EVI5L: variants seen among roughly 807,000 people sequenced by gnomAD.
EVI5L encodes EVI5-like protein.
A neutral mutation model predicts 106.1 loss-of-function variants in EVI5L; 30 were observed. The ratio of observed to expected loss-of-function variants is 0.28; its 90% CI spans 0.21 to 0.38. EVI5L has a LOEUF of 0.38. Among genes scored for constraint, EVI5L ranks in the 10% least tolerant of loss-of-function variants. EVI5L has a pLI of 1.00. For synonymous variants in EVI5L, 489 were observed against 483.3 expected (o/e 1.01, Z -0.15); for missense variants, 809 against 1,098.0 (o/e 0.74, Z 3.72).
At chr19:7,851,906 C>A in intron 8 of EVI5L, 136 bp downstream of exon 8, 1 of 770,198 alleles carries the variant, frequency 1.3e-6, no homozygotes, top group Non-Finnish European at 1.9e-6. Flanking sequence ...GATCTGTTCC[C>A]ATCCACTCTG....
At chr19:7,852,382 G>A (rs1011692216) in intron 8 of EVI5L, among the ~76,000 whole-genome samples, 29 of 152,206 alleles carry the variant, frequency 1.9e-4, no homozygotes, top group Non-Finnish European at 4.1e-4. Context: ...CAGCTGGGCC[G>A]GGTGCAGGAG....
chr19:7,862,936 A>C, intron 17 of EVI5L, 36 bp from the exon 18 acceptor site: 2 of 889,374 alleles, frequency 2.2e-6, no homozygotes, highest in Non-Finnish European at 3.5e-6. Flanking sequence ...GCGCCCCCTG[A>C]CCCGCCCTCC....
At position 7,847,761 on chromosome 19, in the gene EVI5L, G is replaced by T; in HGVS notation, c.167G>T (p.Arg56Leu). 6.2e-7 allele frequency: 1 copy of T among 1,613,422 alleles called. No individual in the cohort carries two copies. The highest frequency in any genetic ancestry group is 8.5e-7 in the Non-Finnish European group (1 of 1,179,804). Residue 56 changes from arginine to leucine, a missense_variant, in exon 3 of 20, where the codon CGC becomes CTC. Physicochemically the swap from Arg to Leu is moderately radical, Grantham distance 102 (BLOSUM62 -2). Transcript: ENST00000538904. The part of the protein sequence containing the change: ...RLLEADSKSM[R>L]SMNGSRRNSG... The stretch of plus-strand genomic sequence containing the variant: ...CTGGAGGCCGACTCCAAGTCCATGC[G>T]CTCCATGAATGGCTCGCGGCGGAAC...
chr19:7,834,020 C>T (rs1978309873), intron 1 of EVI5L, among the ~76,000 whole-genome samples: 1 of 152,182 alleles, frequency 6.6e-6, no homozygotes, highest in Admixed American at 6.5e-5. Flanking sequence ...ATTCATTTCT[C>T]AGCATGCCAC....
chr19:7,856,483 G>C lies in EVI5L; in HGVS notation c.1200+415G>C, dbSNP rs1214639200. 2.6e-5 allele frequency among the ~76,000 whole-genome samples: 4 copies of C among 152,096 alleles called. No individual in the cohort carries two copies. Among genetic ancestry groups the C allele is most frequent in the Non-Finnish European group, 4.4e-5 (3 of 67,996 alleles). ...AAAGGAAAGGAAACCCAGTGGAGGA[G>C]AAGCGTGGCGCCATGGTGGGGAGCC... On this transcript the variant is annotated intron_variant, in intron 11 of 19. Transcript: ENST00000538904. This position sits in a 1 kb window ranked among gnomAD's most constrained non-coding sequence, Gnocchi z 6.6.
Position 7,856,886 on chromosome 19 carries a change from C to T in EVI5L, c.1201-206C>T. On this transcript the variant is annotated intron_variant, in intron 11 of 19. Coordinates refer to ENST00000538904, the MANE Select transcript of EVI5L (RefSeq NM_001159944.3). This position sits in a 1 kb window ranked among gnomAD's most constrained non-coding sequence, Gnocchi z 6.6. ...CGACCTCCCCGCTCACACCGAACCC[C>T]TCTCCAGGACGGAGCTGGCTCTAGC... is the stretch of plus-strand genomic sequence containing the variant. 1.4e-6 allele frequency: 1 copy of T among 708,636 alleles called. No homozygotes were observed. The highest frequency in any genetic ancestry group is 2.6e-6 in the Non-Finnish European group (1 of 391,236). 43.9% of individuals were successfully genotyped at this position (708,636 alleles called of 1,614,324 possible). A position where few individuals can be genotyped will look rare whatever the true frequency, so the allele number is the denominator to read the frequency against.
chr19:7,851,868 G>T, intron 8 of EVI5L, 98 bp downstream of exon 8: 1 of 1,105,110 alleles, frequency 9.0e-7, no homozygotes. Context: ...CGGCTTCGAG[G>T]GTGGAAGGTG....
At chr19:7,853,366 ATGG>A in intron 10 of EVI5L, 33 bp downstream of exon 10, 1 of 1,594,112 alleles carries the variant, frequency 6.3e-7, no homozygotes, top group Non-Finnish European at 8.5e-7. Context: ...GGGGACAGGG[ATGG>A]GAGGCCTTTG....
At chr19:7,852,554 C>A (rs1007383359) in intron 8 of EVI5L, among the ~76,000 whole-genome samples, 36 of 52,108 alleles carry the variant, frequency 6.9e-4, no homozygotes, top group Non-Finnish European at 1.2e-3. Context: ...TTTCTTTTAC[C>A]TTTTTCTTTT....
Position 7,863,750 on chromosome 19 carries a change from CGCCCGGG to C in EVI5L, c.*49_*55del. On this transcript the variant is annotated 3_prime_UTR_variant, in exon 20 of 20. Coordinates refer to ENST00000538904, the MANE Select transcript of EVI5L (RefSeq NM_001159944.3). This position sits in a 1 kb window ranked among gnomAD's most constrained non-coding sequence, Gnocchi z 7.7. The stretch of plus-strand genomic sequence containing the variant: ...GTCAGGAGGCCGCAGCCGCGGGGGG[CGCCCGGG>C]CAGTCCGCGTTCTGCTCCCCACCTG... The C allele has an allele frequency of 7.0e-7, 1 of 1,424,376 alleles. No individual in the cohort carries two copies. The highest frequency in any genetic ancestry group is 9.1e-7 in the Non-Finnish European group (1 of 1,095,534). The allele number at this position is 1,424,376 out of a possible 1,614,324, so 88.2% of individuals were successfully genotyped here. A position where few individuals can be genotyped will look rare whatever the true frequency, so the allele number is the denominator to read the frequency against.
intron 1 of EVI5L, among the ~76,000 whole-genome samples, chr19:7,834,238 C>T (rs1454863658): frequency 2.0e-5 from 3 of 152,134 alleles, no homozygotes; most frequent in Non-Finnish European, 4.4e-5. Context: ...AGCCCCAGCT[C>T]ACTTGAACCT....
At chr19:7,860,724 G>A in intron 14 of EVI5L, 35 bp downstream of exon 14, 3 of 1,541,316 alleles carry the variant, frequency 1.9e-6, no homozygotes, top group African/African-American at 1.4e-5. Flanking sequence ...GGTGTCGGGG[G>A]GACCCTGGGG....
intron 1 of EVI5L, among the ~76,000 whole-genome samples, chr19:7,837,275 G>A (rs1978379213): frequency 6.6e-6 from 1 of 151,116 alleles, no homozygotes; most frequent in Admixed American, 6.6e-5. Context: ...AGGTTGCAGT[G>A]AGCCGAGATC....
chr19:7,851,166 C>T (rs941060252), intron 6 of EVI5L, among the ~76,000 whole-genome samples: 12 of 152,144 alleles, frequency 7.9e-5, no homozygotes, highest in Admixed American at 1.3e-4. Context: ...TGAGCTGCCA[C>T]GGGCGCATCA....
intron 10 of EVI5L, 58 bp downstream of exon 10, chr19:7,853,391 C>A (rs975740329): frequency 1.3e-6 from 2 of 1,568,144 alleles, no homozygotes; most frequent in African/African-American, 2.7e-5. Flanking sequence ...GGGCTGCCCT[C>A]CGTACTCTAA....
intron 1 of EVI5L, among the ~76,000 whole-genome samples, chr19:7,839,944 G>A (rs747344624): frequency 8.5e-5 from 13 of 152,076 alleles, no homozygotes; most frequent in Non-Finnish European, 1.6e-4. Context: ...TTCCAGCCTG[G>A]AGAGCAGAGG....
rs1372647012 is a variant in EVI5L at position 7,856,962 on chromosome 19, C to G, written c.1201-130C>G. On this transcript the variant is annotated intron_variant, in intron 11 of 19. Transcript: ENST00000538904. The surrounding 1 kb of genome is among the most constrained non-coding windows in gnomAD (Gnocchi z 6.6). ...TGCTGGTTCTCTGGTCTTCCCTCCT[C>G]TCTCCCCCGCTTCTAGAGATAGTCC... 4 of 950,494 alleles carry G rather than the reference C, an allele frequency of 4.2e-6. No homozygotes were observed. The highest frequency in any genetic ancestry group is 4.1e-5 in the South Asian group (3 of 72,316). The allele number at this position is 950,494 out of a possible 1,614,324, so 58.9% of individuals were successfully genotyped here.
rs1220036683 is a variant in EVI5L, at chr19:7,845,190, CG to C, written c.-47-1303del. Among the ~76,000 whole-genome samples the C allele has an allele frequency of 2.0e-5, 3 of 152,116 alleles. No homozygotes were observed. Among genetic ancestry groups the C allele is most frequent in the African/African-American group, 7.2e-5 (3 of 41,430 alleles). ...GCTACAGAGCGTGCCGGGCAGTGGG[CG>C]GGCATGAGGAGCCGTGCAAATAAGG... is the stretch of plus-strand genomic sequence containing the variant. On this transcript the variant is annotated intron_variant, in intron 1 of 19. Transcript: ENST00000538904. The surrounding 1 kb of genome is among the most constrained non-coding windows in gnomAD (Gnocchi z 4.0).
Position 7,862,227 on chromosome 19 carries a change from C to A in EVI5L, c.1750C>A (p.Leu584Met). The part of the protein sequence containing the change: ...MSVRLREAQA[L>M]AEGRELRQRV... The stretch of plus-strand genomic sequence containing the variant: ...CGTGCGTCTGCGCGAGGCCCAGGCC[C>A]TGGCCGAGGGCCGCGAGCTGCGGCA... The change falls in exon 16 of 20, where the codon CTG (leucine) becomes ATG (methionine). Residue 584 changes from leucine to methionine, a missense_variant. Coordinates refer to ENST00000538904, the MANE Select transcript of EVI5L (RefSeq NM_001159944.3). 1.3e-6 allele frequency: 2 copies of A among 1,573,048 alleles called. No individual in the cohort carries two copies. The highest frequency in any genetic ancestry group is 4.6e-5 in the East Asian group (2 of 43,048).
Sources: gnomAD v4.1 joint callset for allele counts (sites outside exome capture counted in the v4.1 genomes callset) on GRCh38, gnomAD v4.1.1 for gene constraint, Gnocchi (gnomAD v3.1) non-coding constraint, MANE v1.5 for transcripts, NCBI Gene and HGNC (gene_info 2026-07-23, HGNC 2026-07-21) for gene names.